SYT2: variants seen among roughly 807,000 people sequenced by gnomAD.
The protein encoded by SYT2 is synaptotagmin-2.
A neutral mutation model predicts 39.9 loss-of-function variants in SYT2; 15 were observed. That is an observed-to-expected ratio of 0.38 (90% confidence interval 0.25 to 0.58). SYT2 has a LOEUF of 0.58. SYT2 is among the 20% of genes least tolerant of loss of function. The probability of loss-of-function intolerance (pLI) is 0.70; values close to 1 mark genes in which losing one functional copy is unlikely to be tolerated. For missense variants in SYT2, 389 were observed against 530.3 expected (o/e 0.73, Z 2.62); for synonymous variants, 181 against 204.5 (o/e 0.89, Z 0.98).
chr1:202,625,968 T>C (rs758727757), intron 1 of SYT2, among the ~76,000 whole-genome samples: 4 of 152,216 alleles, frequency 2.6e-5, no homozygotes, highest in Non-Finnish European at 5.9e-5. Context: ...GTGAACGCCA[T>C]GTGTATGAAC....
chr1:202,696,982 T>TG (rs1653989277), intron 1 of SYT2, among the ~76,000 whole-genome samples: 1 of 152,202 alleles, frequency 6.6e-6, no homozygotes, highest in South Asian at 2.1e-4. Flanking sequence ...TCCCAAGCTT[T>TG]GGTCCCAGAC....
intron 1 of SYT2, chr1:202,632,924 T>C (rs1215040152): frequency 6.6e-6 from 1 of 152,170 alleles, no homozygotes; most frequent in Non-Finnish European, 1.5e-5. Context: ...GAGGGGTAAA[T>C]GCACCATCCT....
At chr1:202,649,265 G>T (rs1451152086) in intron 1 of SYT2, among the ~76,000 whole-genome samples, 1 of 152,222 alleles carries the variant, frequency 6.6e-6, no homozygotes, top group Non-Finnish European at 1.5e-5. Flanking sequence ...AGCTTTAGGG[G>T]TCTCCCAGAT....
intron 1 of SYT2, among the ~76,000 whole-genome samples, chr1:202,700,430 T>C (rs1164509842): frequency 6.6e-6 from 1 of 152,248 alleles, no homozygotes; most frequent in African/African-American, 2.4e-5. Context: ...TCAAACCTTT[T>C]GGTTCTAAGA....
intron 1 of SYT2, among the ~76,000 whole-genome samples, chr1:202,700,148 C>G (rs1654076427): frequency 6.6e-6 from 1 of 152,136 alleles, no homozygotes; most frequent in African/African-American, 2.4e-5. Flanking sequence ...TCCAGGCAGC[C>G]CTGGAGGGAG....
intron 1 of SYT2, among the ~76,000 whole-genome samples, chr1:202,606,679 C>G (rs2149073132): frequency 6.6e-6 from 1 of 152,262 alleles, no homozygotes; most frequent in Admixed American, 6.5e-5. Flanking sequence ...TCATCTCTAG[C>G]CCTGCCCCCA....
At chr1:202,602,270 C>A in intron 5 of SYT2, 108 bp downstream of exon 5, 1 of 1,348,266 alleles carries the variant, frequency 7.4e-7, no homozygotes. Context: ...TCAAGGCTGC[C>A]ATTGTTCCAG....
chr1:202,630,298 C>A (rs1691546809), intron 1 of SYT2: 1 of 876,648 alleles, frequency 1.1e-6, no homozygotes, highest in Non-Finnish European at 1.4e-6. Flanking sequence ...CCCACACACT[C>A]TGGCTTGACC....
At chr1:202,692,167 T>C (rs1381982157) in intron 1 of SYT2, among the ~76,000 whole-genome samples, 1 of 152,064 alleles carries the variant, frequency 6.6e-6, no homozygotes, top group Admixed American at 6.6e-5. Context: ...CCAGATCTGG[T>C]ACCCTGCTCT....
intron 1 of SYT2, among the ~76,000 whole-genome samples, chr1:202,609,525 A>C (rs1048201371): frequency 1.3e-5 from 2 of 152,090 alleles, no homozygotes; most frequent in African/African-American, 4.8e-5. Context: ...AAGTGTTCCT[A>C]TTTCTCCACA....
rs1558443968 is a variant in SYT2 at position 202,640,786 on chromosome 1, G to GAC, written c.-17-34998_-17-34997insGT. Among the ~76,000 whole-genome samples, 276 of 118,516 alleles carry GAC rather than the reference G, an allele frequency of 2.3e-3. 1 individual carries two copies. Among genetic ancestry groups the GAC allele is most frequent in the Middle Eastern group, 8.6e-3 (2 of 232 alleles). The allele number at this position is 118,516 out of a possible 152,430, so 77.8% of individuals were successfully genotyped here. On this transcript the variant is annotated intron_variant, in intron 1 of 8. Coordinates refer to ENST00000367268, the MANE Select transcript of SYT2 (RefSeq NM_177402.5). ...AGAGAGAGAGAGAGAGAGAGAGAGAGAGAGAGACAGACAGACAGAGAGACA... is the reference window on the plus strand; with the variant it reads ...AGAGAGAGAGAGAGAGAGAGAGAGAGACAGAGAGACAGACAGACAGAGAGACA...
chr1:202,706,536 G>A (rs1379417811), intron 1 of SYT2, among the ~76,000 whole-genome samples: 1 of 152,090 alleles, frequency 6.6e-6, no homozygotes, highest in South Asian at 2.1e-4. Flanking sequence ...TTCTACAGAT[G>A]GCAAGACTAA....
chr1:202,639,768 A>G lies in SYT2; in HGVS notation c.-17-33979T>C, dbSNP rs535582408. On this transcript the variant is annotated intron_variant, in intron 1 of 8. Coordinates refer to ENST00000367268, the MANE Select transcript of SYT2 (RefSeq NM_177402.5). ...CTCCAGGCCCCATGACGAAGACTAG[A>G]GCATGCAAACTCCTGGAGCCTGAGG... 6 of 985,462 alleles carry G rather than the reference A, an allele frequency of 6.1e-6. No homozygotes were observed. The Middle Eastern group carries it at 1.6e-3, about 257-fold the overall frequency. 61.0% of individuals were successfully genotyped at this position (985,462 alleles called of 1,614,324 possible). A position where few individuals can be genotyped will look rare whatever the true frequency, so the allele number is the denominator to read the frequency against.
rs769883701 is a variant in SYT2, at chr1:202,595,918, T to C, written c.*839A>G. On this transcript the variant is annotated 3_prime_UTR_variant, in exon 9 of 9. Coordinates refer to ENST00000367268, the MANE Select transcript of SYT2 (RefSeq NM_177402.5). ...TGACCCAACTAGTGAATAGCTCATATCCATGAATGTCCCAGGAACTACACT... is the reference window on the plus strand; with the variant it reads ...TGACCCAACTAGTGAATAGCTCATACCCATGAATGTCCCAGGAACTACACT... The C allele has an allele frequency of 2.0e-5, 3 of 152,156 alleles. No homozygotes were observed. The highest frequency in any genetic ancestry group is 4.4e-5 in the Non-Finnish European group (3 of 68,028). 9.4% of individuals were successfully genotyped at this position (152,156 alleles called of 1,614,324 possible). A position where few individuals can be genotyped will look rare whatever the true frequency, so the allele number is the denominator to read the frequency against.
intron 1 of SYT2, among the ~76,000 whole-genome samples, chr1:202,633,621 G>A (rs1478508257): frequency 6.6e-6 from 1 of 152,172 alleles, no homozygotes; most frequent in Non-Finnish European, 1.5e-5. Context: ...CAGTTGCTGA[G>A]GAAGAACATA....
Position 202,591,061 on chromosome 1 carries a change from G to C in SYT2, c.*5696C>G, listed in dbSNP as rs1175337896. Reference sequence around the variant, plus strand: ...TTTGTCTCTGCTGTGGGTGTGGAGAGTGGGAGGGCCCCAGAGAGAGCTGGA... The same window carrying C: ...TTTGTCTCTGCTGTGGGTGTGGAGACTGGGAGGGCCCCAGAGAGAGCTGGA... On this transcript the variant is annotated 3_prime_UTR_variant, in exon 9 of 9. Transcript: ENST00000367268. 1 of 152,338 alleles carries C rather than the reference G, an allele frequency of 6.6e-6. No homozygotes were observed. The highest frequency in any genetic ancestry group is 1.9e-4 in the East Asian group (1 of 5,180). The allele number at this position is 152,338 out of a possible 1,614,324, so 9.4% of individuals were successfully genotyped here.
Position 202,592,574 on chromosome 1 carries a change from T to C in SYT2, c.*4183A>G, listed in dbSNP as rs1258231881. ...GATTAAACAAGATTCTGTTCATATG[T>C]TTCTAGGTAATTATCTTCTTTTATA... On this transcript the variant is annotated 3_prime_UTR_variant, in exon 9 of 9. Transcript: ENST00000367268. 6.6e-6 allele frequency: 1 copy of C among 152,240 alleles called. No homozygotes were observed. The highest frequency in any genetic ancestry group is 1.9e-4 in the East Asian group (1 of 5,196). 9.4% of individuals were successfully genotyped at this position (152,240 alleles called of 1,614,324 possible).
chr1:202,683,393 A>G (rs1030804334), intron 1 of SYT2, among the ~76,000 whole-genome samples: 10 of 152,216 alleles, frequency 6.6e-5, no homozygotes, highest in Non-Finnish European at 1.0e-4. Context: ...ACTACATGCA[A>G]CAACAGGGTG....
chr1:202,701,070 A>G (rs1188110659), intron 1 of SYT2, among the ~76,000 whole-genome samples: 2 of 152,218 alleles, frequency 1.3e-5, no homozygotes, highest in Non-Finnish European at 2.9e-5. Flanking sequence ...AATATTAACA[A>G]ATCACATCTA....
Sources: allele counts gnomAD v4.1 joint callset (sites outside exome capture counted in the v4.1 genomes callset), GRCh38; gene constraint gnomAD v4.1.1; transcripts MANE v1.5; gene names NCBI Gene and HGNC (gene_info 2026-07-23, HGNC 2026-07-21).